The following LDLRAD3 variants were observed in gnomAD, a reference collection of about 807,000 sequenced individuals.
LDLRAD3 encodes low density lipoprotein receptor class A domain containing 3.
A neutral mutation model predicts 29.4 loss-of-function variants in LDLRAD3; 20 were observed. The observed-to-expected ratio is 0.68, with a 90% CI of 0.48 to 0.99. The LOEUF is 0.99. Among genes scored for constraint, LDLRAD3 ranks in the 50% least tolerant of loss-of-function variants. The probability of loss-of-function intolerance (pLI) is 0.00; values close to 1 mark genes in which losing one functional copy is unlikely to be tolerated. For missense variants in LDLRAD3, 420 were observed against 454.3 expected (o/e 0.92, Z 0.69); for synonymous variants, 157 against 192.7 (o/e 0.81, Z 1.53).
intron 4 of LDLRAD3, among the ~76,000 whole-genome samples, chr11:36,151,108 C>T (rs1161665991): frequency 1.3e-5 from 2 of 152,170 alleles, no homozygotes; most frequent in Non-Finnish European, 1.5e-5. Context: ...CTGTCTAGAA[C>T]GCCCTCACCA....
chr11:36,003,005 C>G (rs1465481991), intron 1 of LDLRAD3, among the ~76,000 whole-genome samples: 2 of 152,202 alleles, frequency 1.3e-5, no homozygotes, highest in African/African-American at 4.8e-5. Flanking sequence ...TAGGGAAAAC[C>G]GTACACATTT....
intron 1 of LDLRAD3, among the ~76,000 whole-genome samples, chr11:36,021,851 A>G (rs1327538725): frequency 2.6e-5 from 4 of 152,044 alleles, no homozygotes; most frequent in African/African-American, 9.7e-5. Flanking sequence ...ACGTCTCACT[A>G]TATACCCCAG....
chr11:36,135,419 T>C (rs1853989580), intron 4 of LDLRAD3, among the ~76,000 whole-genome samples: 1 of 152,330 alleles, frequency 6.6e-6, no homozygotes. Flanking sequence ...ATTCTGACCT[T>C]GCTTTCCTTC....
chr11:36,105,205 TTGTGTGTG>T lies in LDLRAD3; in HGVS notation c.454+6771_454+6778del, dbSNP rs10565208. On this transcript the variant is annotated intron_variant, in intron 4 of 5. Transcript: ENST00000315571. Reference sequence around the variant, plus strand: ...CTTTGTCCTGTTCCTTCTGCAGAATTTGTGTGTGTGTGTGTGTGTGTGTGTGTGTGTGT... The same window carrying T: ...CTTTGTCCTGTTCCTTCTGCAGAATTTGTGTGTGTGTGTGTGTGTGTGTGT... Among the ~76,000 whole-genome samples the T allele has an allele frequency of 6.4e-4, 89 of 138,560 alleles. 1 individual carries two copies. The highest frequency in any genetic ancestry group is 2.4e-3 in the South Asian group (10 of 4,188). The allele number at this position is 138,560 out of a possible 152,430, so 90.9% of individuals were successfully genotyped here. A position where few individuals can be genotyped will look rare whatever the true frequency, so the allele number is the denominator to read the frequency against.
At chr11:36,171,443 C>T (rs1399405982) in intron 4 of LDLRAD3, among the ~76,000 whole-genome samples, 1 of 152,142 alleles carries the variant, frequency 6.6e-6, no homozygotes, top group Non-Finnish European at 1.5e-5. Flanking sequence ...AGATTTAAGT[C>T]TTTGATCCAT....
At position 36,213,165 on chromosome 11, in the gene LDLRAD3, C is replaced by T. The variant is rs954053295; in HGVS notation, c.455-13920C>T. ...TTGAATTTAATCCTCGGGCACTTGT[C>T]TCCCAGCTCTCAATGGTCCTGGTTC... On this transcript the variant is annotated intron_variant, in intron 4 of 5. Coordinates refer to ENST00000315571, the MANE Select transcript of LDLRAD3 (RefSeq NM_174902.4). This position sits in a 1 kb window ranked among gnomAD's most constrained non-coding sequence, Gnocchi z 4.1. Among the ~76,000 whole-genome samples, 3 of 151,474 alleles carry T rather than the reference C, an allele frequency of 2.0e-5. No homozygotes were observed. Among genetic ancestry groups the T allele is most frequent in the African/African-American group, 7.3e-5 (3 of 41,222 alleles).
intron 4 of LDLRAD3, among the ~76,000 whole-genome samples, chr11:36,126,383 C>G (rs1405080877): frequency 6.6e-6 from 1 of 152,152 alleles, no homozygotes; most frequent in African/African-American, 2.4e-5. Context: ...TTTCTTTTAT[C>G]CCACTGTAAT....
Position 36,229,281 on chromosome 11 carries a change from G to A in LDLRAD3, c.922G>A (p.Ala308Thr). 1 of 1,614,102 alleles carries A rather than the reference G, an allele frequency of 6.2e-7. No individual in the cohort carries two copies. The highest frequency in any genetic ancestry group is 8.5e-7 in the Non-Finnish European group (1 of 1,180,024). ...GSANSASSQA[A>T]SSLLSVEDTS... is the part of the protein sequence containing the mutation. ...TGCCAACAGTGCCAGCTCCCAGGCA[G>A]CCAGCAGCCTCCTGAGCGTGGAAGA... Residue 308 changes from alanine to threonine, a missense_variant, in exon 6 of 6, where the codon GCC becomes ACC. Transcript: ENST00000315571.
intron 4 of LDLRAD3, among the ~76,000 whole-genome samples, chr11:36,131,102 T>C (rs1407787209): frequency 1.3e-5 from 2 of 152,180 alleles, no homozygotes; most frequent in South Asian, 2.1e-4. Flanking sequence ...TTTATCCACA[T>C]TGGCATCAGA....
chr11:36,206,503 G>A (rs921394100), intron 4 of LDLRAD3, among the ~76,000 whole-genome samples: 2 of 152,146 alleles, frequency 1.3e-5, no homozygotes, highest in Admixed American at 6.5e-5. Context: ...GAGGCAGAGC[G>A]TGGTTATTTC....
chr11:36,000,168 A>G (rs892872233), intron 1 of LDLRAD3, among the ~76,000 whole-genome samples: 4 of 151,862 alleles, frequency 2.6e-5, no homozygotes, highest in Non-Finnish European at 5.9e-5. Flanking sequence ...TTAAAAGCAC[A>G]CAAAACTCTG....
intron 4 of LDLRAD3, among the ~76,000 whole-genome samples, chr11:36,159,088 G>A (rs1854397141): frequency 6.6e-6 from 1 of 152,170 alleles, no homozygotes; most frequent in Admixed American, 6.5e-5. Context: ...GGGCTGAACT[G>A]TTACTCAGAT....
chr11:36,070,266 A>G (rs1852876029), intron 2 of LDLRAD3, among the ~76,000 whole-genome samples: 1 of 152,238 alleles, frequency 6.6e-6, no homozygotes, highest in African/African-American at 2.4e-5. Flanking sequence ...GTAAATGTAA[A>G]TCCTTACAAA....
At chr11:35,983,541 G>C (rs1851570016) in intron 1 of LDLRAD3, among the ~76,000 whole-genome samples, 1 of 152,178 alleles carries the variant, frequency 6.6e-6, no homozygotes, top group African/African-American at 2.4e-5. Context: ...CCCCTGTAGG[G>C]GGGTGTGTGG....
At chr11:36,069,405 A>C (rs1408394069) in intron 2 of LDLRAD3, among the ~76,000 whole-genome samples, 2 of 152,250 alleles carry the variant, frequency 1.3e-5, no homozygotes, top group Non-Finnish European at 2.9e-5. Flanking sequence ...TAGAGGACTG[A>C]ATATATTAAT....
At chr11:36,038,918 G>T (rs1355005158) in intron 2 of LDLRAD3, among the ~76,000 whole-genome samples, 1 of 151,558 alleles carries the variant, frequency 6.6e-6, no homozygotes, top group Non-Finnish European at 1.5e-5. Context: ...GTAGAGGGAA[G>T]GAGAAAAAGT....
intron 2 of LDLRAD3, among the ~76,000 whole-genome samples, chr11:36,067,429 G>A (rs1333226852): frequency 6.6e-6 from 1 of 152,040 alleles, no homozygotes; most frequent in East Asian, 1.9e-4. Context: ...TAAAACGATA[G>A]CAAATATAGT....
rs188705623 is a variant in LDLRAD3, at chr11:36,213,033, T to G, written c.455-14052T>G. Among the ~76,000 whole-genome samples the G allele has an allele frequency of 9.0e-3, 1,317 of 146,824 alleles. 20 individuals are homozygous for G. The highest frequency in any genetic ancestry group is 0.034 in the African/African-American group (1,242 of 36,804). Reference sequence around the variant, plus strand: ...TCAGTTTAGAACTTTCTTCTCTCTCTGTCTCTCTCTCCCCCACCCCTCTCT... The same window carrying G: ...TCAGTTTAGAACTTTCTTCTCTCTCGGTCTCTCTCTCCCCCACCCCTCTCT... On this transcript the variant is annotated intron_variant, in intron 4 of 5. Transcript: ENST00000315571. This position sits in a 1 kb window ranked among gnomAD's most constrained non-coding sequence, Gnocchi z 4.1.
chr11:36,050,908 C>T (rs1404537848), intron 2 of LDLRAD3, among the ~76,000 whole-genome samples: 1 of 152,126 alleles, frequency 6.6e-6, no homozygotes, highest in Non-Finnish European at 1.5e-5. Context: ...TGTGGACAGC[C>T]GTCTTCTCAC....
Sources: gnomAD v4.1 joint callset for allele counts (sites outside exome capture counted in the v4.1 genomes callset) on GRCh38, gnomAD v4.1.1 for gene constraint, Gnocchi (gnomAD v3.1) non-coding constraint, MANE v1.5 for transcripts, NCBI Gene and HGNC (gene_info 2026-07-23, HGNC 2026-07-21) for gene names.